PDE1C: variants seen among roughly 807,000 people sequenced by gnomAD.
The protein encoded by PDE1C is phosphodiesterase 1C.
A neutral mutation model predicts 93.1 loss-of-function variants in PDE1C; 62 were observed. The observed-to-expected ratio is 0.67, with a 90% CI of 0.54 to 0.82. The LOEUF (loss-of-function observed/expected upper bound fraction) is 0.82. PDE1C is among the 40% of genes least tolerant of loss of function. The pLI is 0.00. For missense variants in PDE1C, 742 were observed against 884.6 expected (o/e 0.84, Z 2.04); for synonymous variants, 325 against 310.1 (o/e 1.05, Z -0.50).
intron 2 of PDE1C, among the ~76,000 whole-genome samples, chr7:32,033,628 C>A (rs1343518717): frequency 6.6e-6 from 1 of 152,002 alleles, no homozygotes; most frequent in Non-Finnish European, 1.5e-5. Flanking sequence ...ATAGGGGACC[C>A]TGAACTGTCA....
At chr7:31,636,037 C>T in the PDE1C span, among the ~76,000 whole-genome samples, 1 of 152,176 alleles carries the variant, frequency 6.6e-6, no homozygotes, top group Non-Finnish European at 1.5e-5. Flanking sequence ...CACTTTTTCA[C>T]AGGGCAGCAG....
At chr7:31,837,122 T>C (rs1791213329) in intron 11 of PDE1C, 58 bp downstream of exon 11, 2 of 1,555,634 alleles carry the variant, frequency 1.3e-6, no homozygotes, top group Non-Finnish European at 8.8e-7. Context: ...TGCTGAGATA[T>C]AAAATTCATA....
intron 2 of PDE1C, among the ~76,000 whole-genome samples, chr7:31,962,180 T>G (rs1015454010): frequency 2.0e-5 from 3 of 152,204 alleles, no homozygotes; most frequent in African/African-American, 7.2e-5. Context: ...TGGGCCTCTT[T>G]CTGAAAGCAA....
chr7:32,266,116 T>C (rs1423828389), intron 1 of PDE1C, among the ~76,000 whole-genome samples: 1 of 150,664 alleles, frequency 6.6e-6, no homozygotes, highest in East Asian at 2.0e-4. Flanking sequence ...CTACTAAAAA[T>C]AAAAATAAAA....
At chr7:31,826,383 T>C (rs1279008197) in intron 12 of PDE1C, among the ~76,000 whole-genome samples, 2 of 152,182 alleles carry the variant, frequency 1.3e-5, no homozygotes, top group African/African-American at 4.8e-5. Context: ...CAAAAGTGTA[T>C]TATGGTTAAT....
chr7:31,994,728 A>T (rs1784521924), intron 2 of PDE1C, among the ~76,000 whole-genome samples: 1 of 152,210 alleles, frequency 6.6e-6, no homozygotes, highest in African/African-American at 2.4e-5. Flanking sequence ...AGGTGAAAAA[A>T]ATATCTGCAA....
chr7:32,025,712 C>T (rs1312296816), intron 2 of PDE1C, among the ~76,000 whole-genome samples: 4 of 152,156 alleles, frequency 2.6e-5, no homozygotes, highest in African/African-American at 9.7e-5. Context: ...CTGGCTCAAA[C>T]TGACATGCCC....
At chr7:31,674,698 C>T in the PDE1C span, among the ~76,000 whole-genome samples, 4 of 152,082 alleles carry the variant, frequency 2.6e-5, no homozygotes, top group Non-Finnish European at 5.9e-5. Flanking sequence ...AGAAATGATA[C>T]TTGTACAATT....
At chr7:32,215,114 C>G (rs1019694057) in intron 1 of PDE1C, among the ~76,000 whole-genome samples, 1 of 152,044 alleles carries the variant, frequency 6.6e-6, no homozygotes, top group African/African-American at 2.4e-5. Flanking sequence ...AACCGAGCAG[C>G]CCATGGCCTG....
chr7:31,630,397 C>G, the PDE1C span, among the ~76,000 whole-genome samples: 1 of 152,056 alleles, frequency 6.6e-6, no homozygotes, highest in Non-Finnish European at 1.5e-5. Flanking sequence ...CAAAATCAGG[C>G]CTACTTAAAT....
At chr7:32,292,329 G>A (rs867087131) in intron 1 of PDE1C, among the ~76,000 whole-genome samples, 4 of 152,098 alleles carry the variant, frequency 2.6e-5, no homozygotes, top group South Asian at 2.1e-4. Context: ...TTAGGTGTAC[G>A]ACATTGTACT....
intron 16 of PDE1C, chr7:31,790,085 G>A (rs563467897): frequency 3.4e-6 from 5 of 1,465,580 alleles, no homozygotes; most frequent in Non-Finnish European, 4.5e-6. Flanking sequence ...GATGGTGTGA[G>A]GGAAGGCCAA....
At chr7:31,882,084 G>A (rs1797323569) in intron 2 of PDE1C, among the ~76,000 whole-genome samples, 1 of 152,110 alleles carries the variant, frequency 6.6e-6, no homozygotes, top group Non-Finnish European at 1.5e-5. Flanking sequence ...TAAAGAATGA[G>A]AAAAAATCTT....
At chr7:31,977,465 A>G (rs895925363) in intron 2 of PDE1C, among the ~76,000 whole-genome samples, 2 of 152,206 alleles carry the variant, frequency 1.3e-5, no homozygotes, top group Non-Finnish European at 2.9e-5. Flanking sequence ...GCTTCTTTAT[A>G]TAGCTAGAAA....
intron 2 of PDE1C, among the ~76,000 whole-genome samples, chr7:32,051,043 T>C (rs1408565871): frequency 4.6e-5 from 7 of 152,246 alleles, no homozygotes; most frequent in Non-Finnish European, 2.9e-5. Context: ...TGAGGGATGA[T>C]GACAGATGTC....
At chr7:31,940,074 G>A (rs1805613028) in intron 2 of PDE1C, among the ~76,000 whole-genome samples, 3 of 152,154 alleles carry the variant, frequency 2.0e-5, no homozygotes, top group South Asian at 2.1e-4. Context: ...TTTAGAAATC[G>A]CAAATGCTCA....
At chr7:32,046,216 A>ATTTT (rs1563244723) in intron 2 of PDE1C, among the ~76,000 whole-genome samples, 54 of 142,748 alleles carry the variant, frequency 3.8e-4, no homozygotes, top group East Asian at 2.0e-3. Context: ...TTTTTTTTAA[A>ATTTT]AAAAAAAAAG....
chr7:31,974,827 A>G (rs570923487), intron 2 of PDE1C, among the ~76,000 whole-genome samples: 1 of 152,238 alleles, frequency 6.6e-6, no homozygotes, highest in Admixed American at 6.5e-5. Context: ...ATGGTTGTAC[A>G]ACTCTGTAAA....
At chr7:32,312,646 A>G (rs1783072697) in intron 1 of PDE1C, among the ~76,000 whole-genome samples, 1 of 152,238 alleles carries the variant, frequency 6.6e-6, no homozygotes, top group Non-Finnish European at 1.5e-5. Flanking sequence ...AAAAACAAGA[A>G]ATGGGGAAAG....
Sources: allele counts gnomAD v4.1 joint callset (sites outside exome capture counted in the v4.1 genomes callset), GRCh38; gene constraint gnomAD v4.1.1; transcripts MANE v1.5; gene names NCBI Gene and HGNC (gene_info 2026-07-23, HGNC 2026-07-21).